Variants in MEGF10 observed in about 807,000 individuals in gnomAD.
MEGF10 encodes multiple EGF like domains 10.
MEGF10 carries 86 observed loss-of-function variants against 147.5 expected under a neutral mutation model. The ratio of observed to expected loss-of-function variants is 0.58; its 90% CI spans 0.49 to 0.70. MEGF10 has a LOEUF of 0.70. MEGF10 is among the 30% of genes least tolerant of loss of function. MEGF10 has a pLI of 0.00. For missense variants in MEGF10, 1,329 were observed against 1,487.3 expected (o/e 0.89, Z 1.75); for synonymous variants, 478 against 525.5 (o/e 0.91, Z 1.24).
At chr5:127,425,200 G>C (rs774163777) in intron 13 of MEGF10, among the ~76,000 whole-genome samples, 1 of 152,230 alleles carries the variant, frequency 6.6e-6, no homozygotes, top group Non-Finnish European at 1.5e-5. Flanking sequence ...GCATTCCACA[G>C]TCTGGGTCAT....
the MEGF10 span, among the ~76,000 whole-genome samples, chr5:127,266,296 C>A: frequency 6.6e-6 from 1 of 151,786 alleles, no homozygotes; most frequent in Non-Finnish European, 1.5e-5. Flanking sequence ...GTTTTGGTAC[C>A]AGTACCATGC....
At chr5:127,391,086 A>G (rs574212027) in intron 5 of MEGF10, among the ~76,000 whole-genome samples, 22,066 of 72,708 alleles carry the variant, frequency 0.3, 1,973 homozygotes, top group African/African-American at 0.32. Flanking sequence ...ACATACACAC[A>G]TGCGCGCGCG....
At chr5:127,400,783 C>T (rs1764097014) in intron 7 of MEGF10, among the ~76,000 whole-genome samples, 1 of 152,190 alleles carries the variant, frequency 6.6e-6, no homozygotes, top group South Asian at 2.1e-4. Context: ...CCCTCCCTAG[C>T]AGCCTAAGGG....
Position 127,456,829 on chromosome 5 carries a change from C to T in MEGF10, c.3233-299C>T, listed in dbSNP as rs17164929. On this transcript the variant is annotated intron_variant, in intron 24 of 24. Coordinates refer to ENST00000503335, the MANE Select transcript of MEGF10 (RefSeq NM_001256545.2). ...GAATAAGGGGCTTGGCCTACCTTAT[C>T]CCCAAGGTGTTTTTCAGACCATGAT... Among the ~76,000 whole-genome samples, 4,925 of 152,190 alleles carry T rather than the reference C, an allele frequency of 0.032. 82 individuals are homozygous for T. Among genetic ancestry groups the T allele is most frequent in the Middle Eastern group, 0.051 (15 of 294 alleles).
At chr5:127,406,863 G>A (rs763345313) in intron 8 of MEGF10, among the ~76,000 whole-genome samples, 37 of 152,058 alleles carry the variant, frequency 2.4e-4, no homozygotes, top group African/African-American at 7.2e-4. Flanking sequence ...AAAGAGTTTC[G>A]AATGCCGATA....
chr5:127,423,886 C>T (rs184049845), intron 13 of MEGF10, among the ~76,000 whole-genome samples: 1 of 151,878 alleles, frequency 6.6e-6, no homozygotes, highest in Admixed American at 6.6e-5. Context: ...TTGATGAAGT[C>T]TAGTTTATCT....
rs184769214 is a variant in MEGF10 at position 127,336,846 on chromosome 5, G to A, written c.117-2274G>A. Among the ~76,000 whole-genome samples, 25 of 151,864 alleles carry A rather than the reference G, an allele frequency of 1.6e-4. No individual in the cohort carries two copies. In the East Asian group the frequency reaches 4.1e-3, roughly 25 times the overall value. ...GTTCTTATAGCATATGTGGTAAGTT[G>A]CTCTATTTTGCTCATAGGTGATGTA... is the stretch of plus-strand genomic sequence containing the variant. On this transcript the variant is annotated intron_variant, in intron 2 of 24. Transcript: ENST00000503335.
chr5:127,421,437 C>A (rs1384697486), intron 12 of MEGF10, among the ~76,000 whole-genome samples: 1 of 152,140 alleles, frequency 6.6e-6, no homozygotes, highest in Non-Finnish European at 1.5e-5. Context: ...TAATTCTGTA[C>A]CCCTGTTTCT....
intron 21 of MEGF10, among the ~76,000 whole-genome samples, chr5:127,448,785 G>T (rs966506203): frequency 6.7e-6 from 1 of 150,086 alleles, no homozygotes; most frequent in Non-Finnish European, 1.5e-5. Context: ...CTTAGACCAA[G>T]AGTTCTTTTT....
chr5:127,255,168 G>C, the MEGF10 span, among the ~76,000 whole-genome samples: 2 of 152,058 alleles, frequency 1.3e-5, no homozygotes, highest in Admixed American at 1.3e-4. Flanking sequence ...CACAGGTCCA[G>C]GTGGAGTCAG....
At chr5:127,425,757 G>A (rs965274709) in intron 13 of MEGF10, among the ~76,000 whole-genome samples, 6 of 152,032 alleles carry the variant, frequency 3.9e-5, no homozygotes, top group Admixed American at 1.3e-4. Context: ...CTTTTTGAAC[G>A]TAAAGAAGGT....
At chr5:127,374,027 A>T (rs1027160353) in intron 5 of MEGF10, among the ~76,000 whole-genome samples, 13 of 152,208 alleles carry the variant, frequency 8.5e-5, no homozygotes, top group Non-Finnish European at 1.9e-4. Flanking sequence ...AAAAAGGGGA[A>T]GTCATTGGCT....
chr5:127,321,515 T>G lies in MEGF10; in HGVS notation c.-18-9776T>G, dbSNP rs565026770. Among the ~76,000 whole-genome samples the G allele has an allele frequency of 6.6e-5, 10 of 152,282 alleles. No individual in the cohort carries two copies. The East Asian group carries it at 1.9e-3, about 29-fold the overall frequency. ...AGATTTAGTTGACAGGAAAATTTTC[T>G]AAGATTTTGGTTTTACAGAAATTCT... is the stretch of plus-strand genomic sequence containing the variant. On this transcript the variant is annotated intron_variant, in intron 1 of 24. Coordinates refer to ENST00000503335, the MANE Select transcript of MEGF10 (RefSeq NM_001256545.2).
At chr5:127,345,080 A>T (rs1432280594) in intron 4 of MEGF10, among the ~76,000 whole-genome samples, 6 of 152,206 alleles carry the variant, frequency 3.9e-5, no homozygotes, top group Admixed American at 3.9e-4. Context: ...TTTCATGTAG[A>T]TTCACATGGA....
Position 127,403,905 on chromosome 5 carries a change from G to A in MEGF10, c.917+1223G>A, listed in dbSNP as rs377456639. On this transcript the variant is annotated intron_variant, in intron 8 of 24. Transcript: ENST00000503335. The stretch of plus-strand genomic sequence containing the variant: ...TGTAAACAGTGCTGCAACAAACATA[G>A]GAGTGCAGATATCACTTCCATATAC... 2.0e-4 allele frequency among the ~76,000 whole-genome samples: 30 copies of A among 152,290 alleles called. 1 individual carries two copies. In the South Asian group the frequency reaches 6.0e-3, roughly 31 times the overall value.
At chr5:127,414,347 AT>A (rs1764678029) in intron 9 of MEGF10, among the ~76,000 whole-genome samples, 1 of 151,798 alleles carries the variant, frequency 6.6e-6, no homozygotes, top group Admixed American at 6.6e-5. Flanking sequence ...CTATTTTCTC[AT>A]TTATAAAATG....
intron 24 of MEGF10, 144 bp downstream of exon 24, chr5:127,455,751 T>C (rs1318540706): frequency 1.4e-6 from 1 of 699,550 alleles, no homozygotes; most frequent in Non-Finnish European, 2.2e-6. Flanking sequence ...TTTTATTTTA[T>C]GTATTTTTTG....
intron 22 of MEGF10, 138 bp downstream of exon 22, chr5:127,449,360 C>A: frequency 1.8e-6 from 2 of 1,109,150 alleles, no homozygotes; most frequent in Non-Finnish European, 2.6e-6. Context: ...TGCCTAACAC[C>A]TGTACAGGGC....
the MEGF10 span, among the ~76,000 whole-genome samples, chr5:127,239,436 CAG>C: frequency 7.2e-6 from 1 of 139,614 alleles, no homozygotes; most frequent in East Asian, 2.0e-4. Context: ...AGAATAAACA[CAG>C]TATATATATA....
Sources: allele counts gnomAD v4.1 joint callset (sites outside exome capture counted in the v4.1 genomes callset), GRCh38; gene constraint gnomAD v4.1.1; transcripts MANE v1.5; gene names NCBI Gene and HGNC (gene_info 2026-07-23, HGNC 2026-07-21).